Variants in GPR158 observed in about 807,000 individuals in gnomAD.
GPR158 encodes G protein-coupled receptor 158, also known as metabotropic glycine receptor.
Under a neutral mutation model 78.2 loss-of-function variants are expected in GPR158, and 30 were observed. That is an observed-to-expected ratio of 0.38 (90% CI 0.29 to 0.52). GPR158 has a LOEUF of 0.52. Ranked by LOEUF, GPR158 falls within the 20% of genes least tolerant of loss-of-function variation. The pLI, the probability that GPR158 is intolerant of heterozygous loss-of-function variation, is 0.83. For synonymous variants in GPR158, 581 were observed against 591.1 expected, an observed-to-expected ratio of 0.98 and a Z score of 0.25; for missense variants, 1,463 against 1,523.5, an observed-to-expected ratio of 0.96 and a Z score of 0.66.
intron 1 of GPR158, among the ~76,000 whole-genome samples, chr10:25,212,238 A>T (rs1322726677): frequency 6.6e-6 from 1 of 152,204 alleles, no homozygotes; most frequent in Non-Finnish European, 1.5e-5. Flanking sequence ...TACAGGAAGC[A>T]TGGCAGCATC....
At chr10:25,546,975 C>G (rs1162588565) in intron 5 of GPR158, among the ~76,000 whole-genome samples, 1 of 152,092 alleles carries the variant, frequency 6.6e-6, no homozygotes, top group East Asian at 1.9e-4. Context: ...AGTGTGAAGA[C>G]TCTTGCTAAC....
intron 2 of GPR158, among the ~76,000 whole-genome samples, chr10:25,334,832 T>A (rs1855175189): frequency 6.6e-6 from 1 of 151,878 alleles, no homozygotes; most frequent in Non-Finnish European, 1.5e-5. Context: ...ACTCAATGCT[T>A]TAGTCTATTT....
chr10:25,510,927 T>G (rs1836076481), intron 5 of GPR158, among the ~76,000 whole-genome samples: 1 of 152,208 alleles, frequency 6.6e-6, no homozygotes, highest in Non-Finnish European at 1.5e-5. Context: ...AAACCACAAT[T>G]TCTTTATCCG....
At chr10:25,329,493 A>G (rs190919605) in intron 2 of GPR158, among the ~76,000 whole-genome samples, 1 of 151,972 alleles carries the variant, frequency 6.6e-6, no homozygotes, top group East Asian at 1.9e-4. Flanking sequence ...TGCCATACAA[A>G]TATTCAATGG....
Position 25,338,597 on chromosome 10 carries a change from T to TTATATATAATACA in GPR158, c.1009-57311_1009-57310insATATAATACATAT, listed in dbSNP as rs1564426415. Among the ~76,000 whole-genome samples the TTATATATAATACA allele has an allele frequency of 2.8e-5, 4 of 144,120 alleles. No individual in the cohort carries two copies. In the East Asian group the frequency reaches 7.9e-4, roughly 28 times the overall value. The allele number at this position is 144,120 out of a possible 152,430, so 94.5% of individuals were successfully genotyped here. ...TTATATATAATACATATTATATATA[T>TTATATATAATACA]TATTATATATAAAAAATCATATAAA... is the stretch of plus-strand genomic sequence containing the variant. On this transcript the variant is annotated intron_variant, in intron 2 of 10. Transcript: ENST00000376351.
At chr10:25,261,985 T>G (rs528443810) in intron 2 of GPR158, among the ~76,000 whole-genome samples, 10 of 152,216 alleles carry the variant, frequency 6.6e-5, no homozygotes, top group Admixed American at 3.3e-4. Flanking sequence ...AATTATAAAT[T>G]TATAATTATT....
chr10:25,468,338 C>T (rs1405502087), intron 5 of GPR158, among the ~76,000 whole-genome samples: 1 of 152,168 alleles, frequency 6.6e-6, no homozygotes, highest in African/African-American at 2.4e-5. Context: ...AAATTCTTTA[C>T]AGGTATTTAA....
chr10:25,249,888 T>C (rs1244784716), intron 2 of GPR158, among the ~76,000 whole-genome samples: 1 of 139,724 alleles, frequency 7.2e-6, no homozygotes, highest in East Asian at 2.2e-4. Context: ...GAAGGAATGG[T>C]ACCAGTTCCT....
intron 2 of GPR158, among the ~76,000 whole-genome samples, chr10:25,268,050 T>G (rs2130739940): frequency 6.6e-6 from 1 of 151,658 alleles, no homozygotes; most frequent in South Asian, 2.1e-4. Context: ...CACACAAGTC[T>G]TTTTTTTGCA....
intron 2 of GPR158, among the ~76,000 whole-genome samples, chr10:25,374,407 G>C (rs1049535867): frequency 2.6e-5 from 4 of 151,566 alleles, no homozygotes; most frequent in African/African-American, 9.7e-5. Flanking sequence ...AGTCCACAGA[G>C]CTTATTCAGA....
intron 5 of GPR158, among the ~76,000 whole-genome samples, chr10:25,507,104 G>A (rs1836023366): frequency 1.3e-5 from 2 of 152,174 alleles, no homozygotes; most frequent in Non-Finnish European, 2.9e-5. Context: ...CCTCATTCCA[G>A]GATCCAGACA....
In GPR158 at chr10:25,505,798, C is replaced by T. The variant is rs141192019; in HGVS notation, c.1404+39079C>T. Among the ~76,000 whole-genome samples the T allele has an allele frequency of 1.1e-4, 17 of 152,292 alleles. No individual in the cohort carries two copies. In the East Asian group the frequency reaches 2.7e-3, roughly 24 times the overall value. ...TATGTGCCTCATGCAAACACTCCTT[C>T]GTTTTTTTTCAACTGGGTAGTTCCT... On this transcript the variant is annotated intron_variant, in intron 5 of 10. Coordinates refer to ENST00000376351, the MANE Select transcript of GPR158 (RefSeq NM_020752.3).
At chr10:25,184,886 G>A (rs1007191090) in intron 1 of GPR158, among the ~76,000 whole-genome samples, 4 of 152,130 alleles carry the variant, frequency 2.6e-5, no homozygotes, top group Admixed American at 1.3e-4. Context: ...TGAAGAGTAT[G>A]ATTTTCCTCT....
At chr10:25,365,572 T>A (rs1163677484) in intron 2 of GPR158, among the ~76,000 whole-genome samples, 1 of 151,750 alleles carries the variant, frequency 6.6e-6, no homozygotes, top group Non-Finnish European at 1.5e-5. Context: ...CAGAGGCTTC[T>A]TCCTTCAGTA....
intron 5 of GPR158, among the ~76,000 whole-genome samples, chr10:25,482,314 G>T (rs1564467723): frequency 6.6e-6 from 1 of 151,934 alleles, no homozygotes; most frequent in Non-Finnish European, 1.5e-5. Flanking sequence ...CTATTAAGTA[G>T]CTGGAACAAT....
rs548865783 is a variant in GPR158 at position 25,501,716 on chromosome 10, C to T, written c.1404+34997C>T. Among the ~76,000 whole-genome samples the T allele has an allele frequency of 3.3e-5, 5 of 152,258 alleles. No individual in the cohort carries two copies. The East Asian group carries it at 9.7e-4, about 29-fold the overall frequency. ...CTCAAGTAGCCGGAGCAGACTTGTA[C>T]CTGCAAACTGGGTTGATGAGGGTGC... On this transcript the variant is annotated intron_variant, in intron 5 of 10. Transcript: ENST00000376351.
intron 2 of GPR158, among the ~76,000 whole-genome samples, chr10:25,333,565 G>A (rs191114362): frequency 1.4e-4 from 22 of 152,196 alleles, no homozygotes; most frequent in African/African-American, 3.1e-4. Context: ...CTGTAATGAC[G>A]CACTTGTCCC....
At chr10:25,292,461 CA>C (rs1270505344) in intron 2 of GPR158, among the ~76,000 whole-genome samples, 1 of 151,942 alleles carries the variant, frequency 6.6e-6, no homozygotes, top group Middle Eastern at 3.2e-3. Flanking sequence ...GATGAGTAGA[CA>C]ATTCAAAGCA....
intron 2 of GPR158, among the ~76,000 whole-genome samples, chr10:25,305,714 G>A (rs1471896536): frequency 1.3e-5 from 2 of 152,060 alleles, no homozygotes; most frequent in African/African-American, 2.4e-5. Context: ...GTTTTTCCAC[G>A]AGATTAAGAG....
Sources: gnomAD v4.1 joint callset for allele counts (sites outside exome capture counted in the v4.1 genomes callset) on GRCh38, gnomAD v4.1.1 for gene constraint, MANE v1.5 for transcripts, NCBI Gene and HGNC (gene_info 2026-07-23, HGNC 2026-07-21) for gene names.